The following DIAPH2 variants were observed in gnomAD, a reference collection of about 807,000 sequenced individuals.
DIAPH2 encodes protein diaphanous homolog 2.
DIAPH2 carries 35 observed loss-of-function variants against 92.7 expected under a neutral mutation model. That is an observed-to-expected ratio of 0.38 (90% CI 0.29 to 0.50). The LOEUF is 0.50. Ranked by LOEUF, DIAPH2 falls within the 20% of genes least tolerant of loss-of-function variation. The probability of loss-of-function intolerance (pLI) is 0.94; values close to 1 mark genes in which losing one functional copy is unlikely to be tolerated. For synonymous variants in DIAPH2, 301 were observed against 280.4 expected (o/e 1.07, Z -0.73); for missense variants, 701 against 819.5 (o/e 0.86, Z 1.77).
At chrX:97,235,422 G>A (rs2068040010) in intron 22 of DIAPH2, among the ~76,000 whole-genome samples, 1 of 109,760 alleles carries the variant, frequency 9.1e-6, no homozygotes, top group South Asian at 3.9e-4. Context: ...TGGCCAACAT[G>A]GTGAAACCCC....
chrX:97,359,164 A>G (rs180713460), intron 24 of DIAPH2, among the ~76,000 whole-genome samples: 207 of 111,485 alleles, frequency 1.9e-3, no homozygotes, highest in African/African-American at 6.1e-3. Flanking sequence ...TGTTTTCTAC[A>G]TAATACCCTC....
intron 21 of DIAPH2, among the ~76,000 whole-genome samples, chrX:97,126,791 A>T (rs1053962799): frequency 8.9e-6 from 1 of 112,805 alleles, no homozygotes; most frequent in African/African-American, 3.2e-5. Flanking sequence ...AAAGGAAGGA[A>T]AAAACAATTC....
intron 4 of DIAPH2, among the ~76,000 whole-genome samples, chrX:96,837,433 C>CTCTCTCTCTCTGTG (rs1189132418): frequency 1.2e-4 from 5 of 41,342 alleles, no homozygotes; most frequent in South Asian, 1.2e-3. Context: ...CTCTCTCTCT[C>CTCTCTCTCTCTGTG]TGTGTGTGTG....
At chrX:97,070,369 A>G (rs1424621684) in intron 17 of DIAPH2, among the ~76,000 whole-genome samples, 1 of 111,869 alleles carries the variant, frequency 8.9e-6, no homozygotes, top group African/African-American at 3.2e-5. Context: ...ATTGCTATTT[A>G]TTTAATGTTT....
intron 13 of DIAPH2, among the ~76,000 whole-genome samples, 177 bp downstream of exon 13, chrX:96,942,313 C>A (rs1218650343): frequency 9.0e-6 from 1 of 110,673 alleles, no homozygotes; most frequent in Admixed American, 9.6e-5. Context: ...TTATAATGAT[C>A]ATGAGAGTTC....
chrX:96,775,606 G>A (rs779381411), intron 4 of DIAPH2, among the ~76,000 whole-genome samples: 2 of 110,819 alleles, frequency 1.8e-5, no homozygotes, highest in South Asian at 7.8e-4. Flanking sequence ...CTTGGTGTGC[G>A]AAGTTAATCA....
At chrX:97,408,384 A>T (rs2069831563) in intron 25 of DIAPH2, among the ~76,000 whole-genome samples, 1 of 108,741 alleles carries the variant, frequency 9.2e-6, no homozygotes, top group Admixed American at 1.0e-4. Context: ...TCTTTTTTTA[A>T]TTTAAAGGTT....
intron 26 of DIAPH2, among the ~76,000 whole-genome samples, chrX:97,487,476 A>G (rs1255269226): frequency 4.5e-5 from 5 of 110,194 alleles, no homozygotes; most frequent in Non-Finnish European, 7.6e-5. Flanking sequence ...GGGTTTCACC[A>G]TGTTAGCCAG....
chrX:97,528,308 C>G lies in DIAPH2; in HGVS notation c.3242-70945C>G, dbSNP rs945693826. On this transcript the variant is annotated intron_variant, in intron 26 of 26. Coordinates refer to ENST00000324765, the MANE Select transcript of DIAPH2 (RefSeq NM_006729.5). ...TTGTTGTTGTTATTTGTTTTTTTGT[C>G]TTCAGTTGTGTCTTAATCTGTTTAG... 14 of 111,912 alleles carry G rather than the reference C, an allele frequency of 1.3e-4. No homozygotes were observed. In the Admixed American group the frequency reaches 1.3e-3, roughly 11 times the overall value. 9.2% of individuals were successfully genotyped at this position (111,912 alleles called of 1,213,427 possible).
At chrX:96,936,038 A>G (rs901747873) in intron 10 of DIAPH2, among the ~76,000 whole-genome samples, 1 of 111,956 alleles carries the variant, frequency 8.9e-6, no homozygotes. Context: ...ATTCTAATAA[A>G]TTTCTTCATT....
chrX:96,844,130 A>G (rs2064955818), intron 4 of DIAPH2, among the ~76,000 whole-genome samples: 1 of 112,064 alleles, frequency 8.9e-6, no homozygotes, highest in Non-Finnish European at 1.9e-5. Flanking sequence ...CAATGCACAT[A>G]CTCTTTCAGA....
At chrX:96,936,273 CT>C (rs1471213151) in intron 10 of DIAPH2, among the ~76,000 whole-genome samples, 1 of 111,492 alleles carries the variant, frequency 9.0e-6, no homozygotes, top group Non-Finnish European at 1.9e-5. Flanking sequence ...GCCATTACAT[CT>C]CTATAATAGT....
intron 4 of DIAPH2, among the ~76,000 whole-genome samples, chrX:96,825,393 A>G (rs5950011): frequency 0.058 from 5,577 of 96,150 alleles, 200 homozygotes; most frequent in Middle Eastern, 0.16. Context: ...GCTAAAGAAT[A>G]TGGTTAGTTA....
chrX:97,307,178 A>G (rs1226895103), intron 23 of DIAPH2, among the ~76,000 whole-genome samples: 1 of 112,312 alleles, frequency 8.9e-6, no homozygotes, highest in African/African-American at 3.2e-5. Flanking sequence ...TGATCTTGCC[A>G]GTTACAAAAC....
At chrX:97,355,951 T>C (rs1281996757) in intron 24 of DIAPH2, among the ~76,000 whole-genome samples, 1 of 112,122 alleles carries the variant, frequency 8.9e-6, no homozygotes, top group Non-Finnish European at 1.9e-5. Context: ...CCTGTCTTGC[T>C]GTAGCTTCAG....
chrX:96,770,560 C>T (rs960565810), intron 4 of DIAPH2, among the ~76,000 whole-genome samples: 1 of 111,462 alleles, frequency 9.0e-6, no homozygotes, highest in Non-Finnish European at 1.9e-5. Flanking sequence ...GTAGCTGCTT[C>T]GTGATGATAA....
At chrX:97,187,284 T>TTTTTTG (rs2067614547) in intron 22 of DIAPH2, among the ~76,000 whole-genome samples, 1 of 56,896 alleles carries the variant, frequency 1.8e-5, no homozygotes, top group Non-Finnish European at 2.8e-5. Context: ...AAGTAGCCTT[T>TTTTTTG]TTTTTTTTTT....
intron 26 of DIAPH2, among the ~76,000 whole-genome samples, chrX:97,504,962 G>A (rs961682895): frequency 2.0e-4 from 22 of 111,459 alleles, no homozygotes; most frequent in Admixed American, 3.8e-4. Context: ...TACATCACAC[G>A]GCTGTAATAA....
At chrX:96,687,501 G>A (rs2063777510) in intron 1 of DIAPH2, among the ~76,000 whole-genome samples, 1 of 108,032 alleles carries the variant, frequency 9.3e-6, no homozygotes, top group Non-Finnish European at 1.9e-5. Flanking sequence ...GTCCAGTGGC[G>A]CGATCTTGGC....
Sources: gnomAD v4.1 joint callset for allele counts (sites outside exome capture counted in the v4.1 genomes callset) on GRCh38, gnomAD v4.1.1 for gene constraint, MANE v1.5 for transcripts, NCBI Gene and HGNC (gene_info 2026-07-23, HGNC 2026-07-21) for gene names.